KCNAB2: variants seen among roughly 807,000 people sequenced by gnomAD.
KCNAB2 encodes the protein voltage-gated potassium channel subunit beta-2.
KCNAB2 carries 29 observed loss-of-function variants against 63.6 expected under a neutral mutation model. The observed-to-expected ratio is 0.46, with a 90% CI of 0.34 to 0.62. KCNAB2 has a LOEUF of 0.62. Among genes scored for constraint, KCNAB2 ranks in the 20% least tolerant of loss-of-function variants. KCNAB2 has a pLI of 0.01. For missense variants in KCNAB2, 359 were observed against 563.9 expected (o/e 0.64, Z 3.68); for synonymous variants, 222 against 224.2 (o/e 0.99, Z 0.09).
At chr1:6,085,068 A>C (rs1664578341) in intron 5 of KCNAB2, 136 bp from the exon 6 acceptor site, 2 of 847,504 alleles carry the variant, frequency 2.4e-6, no homozygotes, top group Admixed American at 3.6e-5. Flanking sequence ...TACTGAGCCA[A>C]GGCGGGTGTT....
In KCNAB2 at chr1:6,035,604, T is replaced by C. The variant is rs946082252; in HGVS notation, c.-53+810T>C. ...GACACCTGGGAGGGTGGGGAGCTCG[T>C]TACTCATCTGGGGCCACCCTGGGAA... On this transcript the variant is annotated intron_variant, in intron 1 of 15. Transcript: ENST00000164247. The surrounding 1 kb of genome is among the most constrained non-coding windows in gnomAD (Gnocchi z 5.0). Among the ~76,000 whole-genome samples, 18 of 151,850 alleles carry C rather than the reference T, an allele frequency of 1.2e-4. No homozygotes were observed. Among genetic ancestry groups the C allele is most frequent in the African/African-American group, 3.9e-4 (16 of 41,330 alleles).
At chr1:6,097,496 C>G (rs2100800926) in intron 15 of KCNAB2, 139 bp downstream of exon 15, 2 of 1,455,554 alleles carry the variant, frequency 1.4e-6, no homozygotes, top group East Asian at 2.5e-5. Flanking sequence ...GAGTTGTGCT[C>G]CTGGAGAGCT....
At chr1:5,995,197 T>C (rs1350613539) in intron 1 of KCNAB2, among the ~76,000 whole-genome samples, 5 of 152,166 alleles carry the variant, frequency 3.3e-5, no homozygotes, top group African/African-American at 1.2e-4. Context: ...CAGAGGTGTC[T>C]AGGGCCATAG....
intron 11 of KCNAB2, among the ~76,000 whole-genome samples, chr1:6,094,791 T>A (rs1057355062): frequency 4.6e-5 from 7 of 152,208 alleles, no homozygotes; most frequent in African/African-American, 1.7e-4. Flanking sequence ...AAGGAGTCCC[T>A]GAGAGAGCCA....
In KCNAB2 at chr1:5,994,827, C is replaced by T. The variant is rs138612571; in HGVS notation, c.-53+2039C>T. ...TTCCTCGCTTTCATTTTTCAGTCAT[C>T]TTCTAAGACCCAAATGGTTCAGGAG... On this transcript the variant is annotated intron_variant, in intron 1 of 16. Transcript: ENST00000341524. The surrounding 1 kb of genome is among the most constrained non-coding windows in gnomAD (Gnocchi z 5.4). Among the ~76,000 whole-genome samples, 847 of 152,248 alleles carry T rather than the reference C, an allele frequency of 5.6e-3. 9 individuals are homozygous for T. Among genetic ancestry groups the T allele is most frequent in the African/African-American group, 0.019 (770 of 41,540 alleles).
At position 5,997,867 on chromosome 1, in the gene KCNAB2, C is replaced by T. The variant is rs377587931; in HGVS notation, c.-53+5079C>T. 3.3e-4 allele frequency among the ~76,000 whole-genome samples: 50 copies of T among 152,364 alleles called. No individual in the cohort carries two copies. In the South Asian group the frequency reaches 9.7e-3, roughly 30 times the overall value. ...TTTAAAACATTGCTTAAAACCTATA[C>T]ATGCCAGTGAAGGGCGAAGGTCTTA... On this transcript the variant is annotated intron_variant, in intron 1 of 16. Transcript: ENST00000341524.
Position 6,095,552 on chromosome 1 carries a change from C to T in KCNAB2, c.876C>T (p.Ser292=). 1 of 1,613,414 alleles carries T rather than the reference C, an allele frequency of 6.2e-7. No homozygotes were observed. Among genetic ancestry groups the T allele is most frequent in the Non-Finnish European group, 8.5e-7 (1 of 1,179,974 alleles). Residue 292 remains serine (S), a synonymous_variant, in exon 13 of 16, where the codon TCC becomes TCT. Transcript: ENST00000378083. ...CAGGAGTGGGCGCCATGACCTGGTC[C>T]CCTCTGGCCTGTGGCATTGTTTCTG... is the stretch of plus-strand genomic sequence containing the variant. ...HKIGVGAMTW[S]PLACGIVSGK... is the part of the protein sequence containing the mutation.
upstream of KCNAB2, among the ~76,000 whole-genome samples, chr1:6,032,693 C>T (rs1230833696): frequency 6.6e-6 from 1 of 152,162 alleles, no homozygotes; most frequent in Non-Finnish European, 1.5e-5. Context: ...GCAGACACCA[C>T]CTTAACCAAA....
At chr1:6,090,498 A>G (rs1193909816) in intron 9 of KCNAB2, 23 bp downstream of exon 9, 5 of 1,596,706 alleles carry the variant, frequency 3.1e-6, no homozygotes, top group Non-Finnish European at 4.3e-6. Context: ...CGGCGGCGCC[A>G]CCGGTTAGGC....
chr1:6,093,553 C>A (rs561704374), intron 10 of KCNAB2, among the ~76,000 whole-genome samples: 1 of 152,366 alleles, frequency 6.6e-6, no homozygotes, highest in South Asian at 2.1e-4. Context: ...GAAGTCTCCG[C>A]GATTTCATCC....
At chr1:6,049,019 G>A (rs556357203) in intron 1 of KCNAB2, among the ~76,000 whole-genome samples, 234 of 152,318 alleles carry the variant, frequency 1.5e-3, no homozygotes, top group African/African-American at 4.8e-3. Context: ...CTGCTTTAGC[G>A]TCCAGAGGTC....
chr1:6,096,098 G>A lies in KCNAB2; in HGVS notation c.948+474G>A, dbSNP rs1571111272. ...GACTGCAGGATCTGGAGAACAAGGA[G>A]CAGGCCAAGAAAGTCTGCCCAGCCA... is the stretch of plus-strand genomic sequence containing the variant. On this transcript the variant is annotated intron_variant, in intron 13 of 15. Transcript: ENST00000378083. The surrounding 1 kb of genome is among the most constrained non-coding windows in gnomAD (Gnocchi z 5.9). 2.2e-6 allele frequency: 1 copy of A among 457,690 alleles called. No individual in the cohort carries two copies. The highest frequency in any genetic ancestry group is 4.4e-6 in the Non-Finnish European group (1 of 227,918). The allele number at this position is 457,690 out of a possible 1,614,324, so 28.4% of individuals were successfully genotyped here. A position where few individuals can be genotyped will look rare whatever the true frequency, so the allele number is the denominator to read the frequency against.
chr1:6,037,544 G>A (rs1660145152), intron 1 of KCNAB2, among the ~76,000 whole-genome samples: 1 of 152,228 alleles, frequency 6.6e-6, no homozygotes, highest in South Asian at 2.1e-4. Context: ...TCCATTGCTT[G>A]TAGGGGAGCC....
chr1:6,057,994 T>C (rs1661984577), intron 2 of KCNAB2, among the ~76,000 whole-genome samples: 1 of 151,860 alleles, frequency 6.6e-6, no homozygotes, highest in South Asian at 2.1e-4. Context: ...CTACAAAAAA[T>C]GCAAAAAATG....
At position 6,098,480 on chromosome 1, in the gene KCNAB2, C is replaced by T. The variant is rs111754266; in HGVS notation, c.1159-5C>T. On this transcript the variant is annotated splice_region_variant and splice_polypyrimidine_tract_variant and intron_variant, in intron 15 of 15. Coordinates refer to ENST00000378083, the MANE Select transcript of KCNAB2 (RefSeq NM_001199862.2). ...ATTCTGATTTGTTGTTGTTCTTGCA[C>T]GCAGGTCCTTCCGAAACTGTCATCT... is the stretch of plus-strand genomic sequence containing the variant. 8.5e-4 allele frequency: 1,367 copies of T among 1,613,810 alleles called. 10 individuals are homozygous for T. The African/African-American group carries it at 0.015, about 18-fold the overall frequency.
Position 6,071,340 on chromosome 1 carries a change from G to A in KCNAB2, c.219-1415G>A, listed in dbSNP as rs144215089. On this transcript the variant is annotated intron_variant, in intron 2 of 15. Coordinates refer to ENST00000378083, the MANE Select transcript of KCNAB2 (RefSeq NM_001199862.2). This position sits in a 1 kb window ranked among gnomAD's most constrained non-coding sequence, Gnocchi z 8.5. ...TAACTCATGGCTCTCACTCCCCACC[G>A]CCTAGAACCAGCTGCCCCTTGACCA... is the stretch of plus-strand genomic sequence containing the variant. Among the ~76,000 whole-genome samples the A allele has an allele frequency of 5.9e-5, 9 of 152,266 alleles. No homozygotes were observed. In the East Asian group the frequency reaches 1.4e-3, roughly 23 times the overall value.
chr1:6,070,692 ATCT>A (rs1458032504), intron 2 of KCNAB2, among the ~76,000 whole-genome samples: 3 of 152,024 alleles, frequency 2.0e-5, no homozygotes, highest in African/African-American at 4.8e-5. Context: ...ATCCTCATGG[ATCT>A]TCTTCTGTCC....
intron 1 of KCNAB2, among the ~76,000 whole-genome samples, chr1:6,006,987 G>A (rs994457713): frequency 2.0e-5 from 3 of 152,108 alleles, no homozygotes; most frequent in Non-Finnish European, 2.9e-5. Context: ...TTCTGTGCTG[G>A]GCACTGTGCT....
At chr1:6,032,791 G>A (rs551284043), upstream of KCNAB2, among the ~76,000 whole-genome samples, 1 of 152,294 alleles carries the variant, frequency 6.6e-6, no homozygotes, top group Non-Finnish European at 1.5e-5. Context: ...TCCCCAAAAA[G>A]GTTCAGCTAA....
Sources: gnomAD v4.1 joint callset for allele counts (sites outside exome capture counted in the v4.1 genomes callset) on GRCh38, gnomAD v4.1.1 for gene constraint, Gnocchi (gnomAD v3.1) non-coding constraint, MANE v1.5 for transcripts, NCBI Gene and HGNC (gene_info 2026-07-23, HGNC 2026-07-21) for gene names.